Variants in SAMHD1 observed in about 807,000 individuals in gnomAD.
The protein encoded by SAMHD1 is deoxynucleoside triphosphate triphosphohydrolase SAMHD1.
In SAMHD1, 54 loss-of-function variants were observed where a neutral mutation model predicts 79.6. That is an observed-to-expected ratio of 0.68 (90% CI 0.55 to 0.85). The LOEUF is 0.85. Ranked by LOEUF, SAMHD1 falls within the 40% of genes least tolerant of loss-of-function variation. The pLI is 0.00. For missense variants in SAMHD1, 663 were observed against 782.7 expected, an observed-to-expected ratio of 0.85 and a Z score of 1.82; for synonymous variants, 260 against 264.1, an observed-to-expected ratio of 0.98 and a Z score of 0.15.
intron 3 of SAMHD1, among the ~76,000 whole-genome samples, chr20:36,937,602 T>C (rs117461097): frequency 6.6e-6 from 1 of 152,328 alleles, no homozygotes; most frequent in East Asian, 1.9e-4. Flanking sequence ...GAGTGAATCA[T>C]ACAACTTGTG....
intron 4 of SAMHD1, among the ~76,000 whole-genome samples, chr20:36,931,650 C>A (rs566364786): frequency 5.9e-5 from 9 of 151,332 alleles, no homozygotes; most frequent in African/African-American, 1.2e-4. Flanking sequence ...CACCCTCCCC[C>A]CAAAAAAAGA....
At chr20:36,895,342 C>T (rs1244750243) in intron 15 of SAMHD1, among the ~76,000 whole-genome samples, 1 of 151,970 alleles carries the variant, frequency 6.6e-6, no homozygotes, top group Non-Finnish European at 1.5e-5. Flanking sequence ...CTTCAGGTCT[C>T]AGTTTATAAG....
At position 36,893,052 on chromosome 20, in the gene SAMHD1, T is replaced by A; in HGVS notation, c.1761A>T (p.Ile587=). ...TTTTTTGAGGTGTTATGAGTGGGGCTATAACATCGCCATCCTATTAGGAAG... is the reference window on the plus strand; with the variant it reads ...TTTTTTGAGGTGTTATGAGTGGGGCAATAACATCGCCATCCTATTAGGAAG... ...NFTKPQDGDV[I]APLITPQKKE... The change falls in exon 16 of 16, where the codon ATA becomes ATT. Residue 587 remains isoleucine, a synonymous_variant. Coordinates refer to ENST00000646673, the MANE Select transcript of SAMHD1 (RefSeq NM_015474.4). 6.2e-7 allele frequency: 1 copy of A among 1,613,620 alleles called. No individual in the cohort carries two copies. Among genetic ancestry groups the A allele is most frequent in the Non-Finnish European group, 8.5e-7 (1 of 1,180,012 alleles).
chr20:36,911,945 G>C (rs945376379), intron 10 of SAMHD1: 1 of 181,112 alleles, frequency 5.5e-6, no homozygotes, highest in Non-Finnish European at 1.2e-5. Flanking sequence ...GGAGAGACCT[G>C]GCTGTACAGT....
At chr20:36,937,172 A>C (rs1012218591) in intron 3 of SAMHD1, among the ~76,000 whole-genome samples, 6 of 151,306 alleles carry the variant, frequency 4.0e-5, no homozygotes, top group African/African-American at 1.5e-4. Context: ...TCATTGATAC[A>C]TTTGAAAAAT....
In SAMHD1 at chr20:36,922,838, G is replaced by A. The variant is rs202177391; in HGVS notation, c.697-3319C>T. Among the ~76,000 whole-genome samples, 12 of 150,308 alleles carry A rather than the reference G, an allele frequency of 8.0e-5. No homozygotes were observed. In the East Asian group the frequency reaches 2.0e-3, roughly 25 times the overall value. ...AATTTTTAAATTTTTTTGTAGAGAC[G>A]GGGTTTCACCATGTTGTCCAGGCTG... On this transcript the variant is annotated intron_variant, in intron 6 of 15. Transcript: ENST00000646673.
chr20:36,892,455 C>T lies in SAMHD1; in HGVS notation c.*477G>A, dbSNP rs757535793. 16 of 196,202 alleles carry T rather than the reference C, an allele frequency of 8.2e-5. No homozygotes were observed. The highest frequency in any genetic ancestry group is 1.4e-4 in the Non-Finnish European group (13 of 94,558). The allele number at this position is 196,202 out of a possible 1,614,324, so 12.2% of individuals were successfully genotyped here. Reference sequence around the variant, plus strand: ...TTCTAGTTCCAATTTGTACCCTTGTCTCATTTCTACATTAAAAACAAAAAA... The same window carrying T: ...TTCTAGTTCCAATTTGTACCCTTGTTTCATTTCTACATTAAAAACAAAAAA... On this transcript the variant is annotated 3_prime_UTR_variant, in exon 16 of 16. Transcript: ENST00000646673.
chr20:36,928,196 G>A (rs1433582537), intron 5 of SAMHD1, among the ~76,000 whole-genome samples: 1 of 150,910 alleles, frequency 6.6e-6, no homozygotes, highest in African/African-American at 2.4e-5. Flanking sequence ...AGACCAGCCC[G>A]GCCAACATGG....
chr20:36,908,484 T>A (rs984269880), intron 11 of SAMHD1, among the ~76,000 whole-genome samples: 1 of 152,152 alleles, frequency 6.6e-6, no homozygotes, highest in Non-Finnish European at 1.5e-5. Flanking sequence ...GCGATCCAAC[T>A]GCCTTGGTTT....
At position 36,912,536 on chromosome 20, in the gene SAMHD1, TAC is replaced by T; in HGVS notation, c.1077_1078del (p.Tyr360Ter). 1 of 1,612,232 alleles carries T rather than the reference TAC, an allele frequency of 6.2e-7. No homozygotes were observed. The highest frequency in any genetic ancestry group is 2.2e-5 in the East Asian group (1 of 44,864). On this transcript the variant is annotated frameshift_variant, in exon 10 of 16. Coordinates refer to ENST00000646673, the MANE Select transcript of SAMHD1 (RefSeq NM_015474.4). LOFTEE classifies it high-confidence loss of function. Reference sequence around the variant, plus strand: ...AGAGTTGCGAGTGTGGAACATGTCATACAGATTTCCAACTTCCTGCAGGAAAA... The same window carrying T: ...AGAGTTGCGAGTGTGGAACATGTCATAGATTTCCAACTTCCTGCAGGAAAA...
rs780811213 is a variant in SAMHD1 at position 36,945,480 on chromosome 20, A to G, written c.275+1258T>C. Among the ~76,000 whole-genome samples, 70 of 151,944 alleles carry G rather than the reference A, an allele frequency of 4.6e-4. 1 individual carries two copies. Among genetic ancestry groups the G allele is most frequent in the Non-Finnish European group, 2.2e-4 (15 of 67,964 alleles). ...TTTTCTTACTAACATTTTTTTCCCT[A>G]TTGGTTCTTATGTATTTCCCAGTGT... On this transcript the variant is annotated intron_variant, in intron 2 of 15. Coordinates refer to ENST00000646673, the MANE Select transcript of SAMHD1 (RefSeq NM_015474.4).
chr20:36,910,425 T>A (rs1016369921), intron 11 of SAMHD1, among the ~76,000 whole-genome samples: 2 of 151,098 alleles, frequency 1.3e-5, no homozygotes, highest in East Asian at 2.0e-4. Context: ...TAAAAAAAAA[T>A]TAAATTTAAA....
At chr20:36,951,299 G>A in intron 1 of SAMHD1, 137 bp downstream of exon 1, 3 of 1,257,064 alleles carry the variant, frequency 2.4e-6, no homozygotes, top group East Asian at 2.5e-5. Context: ...CCCAGCGCAG[G>A]TCCGCCCTCC....
intron 4 of SAMHD1, among the ~76,000 whole-genome samples, chr20:36,934,296 C>A (rs980507928): frequency 1.3e-5 from 2 of 151,494 alleles, no homozygotes; most frequent in South Asian, 4.2e-4. Flanking sequence ...GAGGCCGAGG[C>A]AGGTGGCTCA....
Position 36,912,502 on chromosome 20 carries a change from A to G in SAMHD1, c.1113T>C (p.Arg371=). The change falls in exon 10 of 16, where the codon CGT becomes CGC. Residue 371 remains arginine, a synonymous_variant. Coordinates refer to ENST00000646673, the MANE Select transcript of SAMHD1 (RefSeq NM_015474.4). ...TGCCAACTTTGTGTTGATAAGCTCTACGGTGTAAAGAGTTGCGAGTGTGGA... is the reference window on the plus strand; with the variant it reads ...TGCCAACTTTGTGTTGATAAGCTCTGCGGTGTAAAGAGTTGCGAGTGTGGA... ...DMFHTRNSLH[R]RAYQHKVGNI... 1 of 1,613,458 alleles carries G rather than the reference A, an allele frequency of 6.2e-7. No individual in the cohort carries two copies. Among genetic ancestry groups the G allele is most frequent in the Non-Finnish European group, 8.5e-7 (1 of 1,179,510 alleles).
chr20:36,913,142 G>A (rs1397173273), intron 9 of SAMHD1, among the ~76,000 whole-genome samples: 8 of 149,918 alleles, frequency 5.3e-5, no homozygotes, highest in Non-Finnish European at 1.0e-4. Flanking sequence ...GACTACAGGC[G>A]CCTGCCACCA....
chr20:36,910,615 A>G (rs1379693995), intron 11 of SAMHD1, among the ~76,000 whole-genome samples: 1 of 151,522 alleles, frequency 6.6e-6, no homozygotes, highest in Admixed American at 6.6e-5. Flanking sequence ...CTATAATCTC[A>G]GCTACCCAGG....
intron 1 of SAMHD1, among the ~76,000 whole-genome samples, chr20:36,951,110 C>G (rs2063730235): frequency 6.6e-6 from 1 of 152,256 alleles, no homozygotes; most frequent in Admixed American, 6.5e-5. Context: ...GACTGCCCCT[C>G]CCAGGTCCTC....
intron 9 of SAMHD1, among the ~76,000 whole-genome samples, chr20:36,914,639 T>C (rs775326827): frequency 7.9e-5 from 12 of 151,334 alleles, no homozygotes; most frequent in African/African-American, 2.7e-4. Flanking sequence ...GGAATACAGG[T>C]GTGAGCCACC....
Sources: allele counts gnomAD v4.1 joint callset (sites outside exome capture counted in the v4.1 genomes callset), GRCh38; gene constraint gnomAD v4.1.1; transcripts MANE v1.5; gene names NCBI Gene and HGNC (gene_info 2026-07-23, HGNC 2026-07-21).